The following FOXP1 variants were observed in gnomAD, a reference collection of about 807,000 sequenced individuals.
The protein encoded by FOXP1 is forkhead box protein P1.
FOXP1 carries 15 observed loss-of-function variants against 98.2 expected under a neutral mutation model. The observed-to-expected ratio is 0.15, with a 90% CI of 0.10 to 0.24. FOXP1 has a LOEUF of 0.24. Among genes scored for constraint, FOXP1 ranks in the 10% least tolerant of loss-of-function variants. The pLI is 1.00. For synonymous variants in FOXP1, 371 were observed against 314.5 expected (o/e 1.18, Z -1.90); for missense variants, 633 against 848.5 (o/e 0.75, Z 3.15).
intron 11 of FOXP1, among the ~76,000 whole-genome samples, chr3:71,030,530 A>G (rs1046526367): frequency 6.6e-6 from 1 of 152,156 alleles, no homozygotes; most frequent in Non-Finnish European, 1.5e-5. Context: ...TTTCCCTTCT[A>G]CTGCAGTGTC....
At chr3:71,134,710 GC>G (rs2059734334) in intron 6 of FOXP1, among the ~76,000 whole-genome samples, 1 of 152,100 alleles carries the variant, frequency 6.6e-6, no homozygotes, top group South Asian at 2.1e-4. Flanking sequence ...CTGCTGCTCT[GC>G]CAAGTTATGC....
intron 3 of FOXP1, among the ~76,000 whole-genome samples, chr3:71,416,535 ACT>A (rs1416882486): frequency 1.4e-5 from 2 of 147,414 alleles, no homozygotes; most frequent in Admixed American, 6.9e-5. Context: ...ACAGAACAAA[ACT>A]CTGTCTCAAA....
chr3:71,209,375 C>T (rs1357269142), intron 5 of FOXP1, among the ~76,000 whole-genome samples: 2 of 152,190 alleles, frequency 1.3e-5, no homozygotes, highest in Non-Finnish European at 2.9e-5. Context: ...TTTAATGTTT[C>T]ATCCAGAAGG....
intron 4 of FOXP1, among the ~76,000 whole-genome samples, chr3:71,318,916 G>A (rs544403984): frequency 1.3e-5 from 2 of 152,280 alleles, no homozygotes; most frequent in South Asian, 2.1e-4. Context: ...AATTAACATG[G>A]TTACTGAGCG....
At chr3:71,007,338 C>G (rs562573828) in intron 12 of FOXP1, among the ~76,000 whole-genome samples, 8 of 152,260 alleles carry the variant, frequency 5.3e-5, no homozygotes, top group South Asian at 2.1e-4. Flanking sequence ...GACAGCTATT[C>G]CCTCTACATG....
chr3:71,038,710 C>T (rs1478766516), intron 11 of FOXP1, among the ~76,000 whole-genome samples: 1 of 150,500 alleles, frequency 6.6e-6, no homozygotes, highest in Non-Finnish European at 1.5e-5. Flanking sequence ...GTTGCCCAGG[C>T]TGGAGTGCAA....
At chr3:71,423,270 T>C (rs907503322) in intron 3 of FOXP1, among the ~76,000 whole-genome samples, 18 of 152,206 alleles carry the variant, frequency 1.2e-4, no homozygotes, top group Non-Finnish European at 2.1e-4. Flanking sequence ...ATAAGAATTG[T>C]GGCAACTTGC....
rs184808648 is a variant in FOXP1, at chr3:71,281,859, G to A, written c.-12+17961C>T. Reference sequence around the variant, plus strand: ...CTTATGCCTGTAATCTCAACACTTTGGGAGGCCAAGGCATGTCACTTGAGT... The same window carrying A: ...CTTATGCCTGTAATCTCAACACTTTAGGAGGCCAAGGCATGTCACTTGAGT... On this transcript the variant is annotated intron_variant, in intron 5 of 20. Transcript: ENST00000649528. 6.4e-3 allele frequency among the ~76,000 whole-genome samples: 967 copies of A among 152,126 alleles called. 15 individuals carry two copies. Among genetic ancestry groups the A allele is most frequent in the African/African-American group, 0.022 (932 of 41,478 alleles).
chr3:71,402,830 A>C (rs938815915), intron 3 of FOXP1, among the ~76,000 whole-genome samples: 1 of 152,238 alleles, frequency 6.6e-6, no homozygotes, highest in Admixed American at 6.5e-5. Flanking sequence ...ATCTAAAAGC[A>C]AATAGGACAA....
chr3:71,075,519 T>C (rs1281718966), intron 7 of FOXP1, among the ~76,000 whole-genome samples: 3 of 152,214 alleles, frequency 2.0e-5, no homozygotes, highest in Non-Finnish European at 4.4e-5. Flanking sequence ...AGCCAAACAA[T>C]GGAAGAAGAC....
chr3:71,501,215 T>C (rs1160575710), intron 2 of FOXP1, among the ~76,000 whole-genome samples: 1 of 151,772 alleles, frequency 6.6e-6, no homozygotes, highest in Non-Finnish European at 1.5e-5. Context: ...GCAAAAATGC[T>C]CTTCAACACC....
At chr3:71,309,999 T>C (rs1269224742) in intron 4 of FOXP1, among the ~76,000 whole-genome samples, 1 of 152,232 alleles carries the variant, frequency 6.6e-6, no homozygotes, top group Non-Finnish European at 1.5e-5. Flanking sequence ...CCCCAACTTA[T>C]GATTTGAAAT....
chr3:70,973,327 G>A (rs769676593), intron 17 of FOXP1, among the ~76,000 whole-genome samples: 4 of 139,880 alleles, frequency 2.9e-5, no homozygotes, highest in Admixed American at 8.0e-5. Flanking sequence ...CCTAACTATC[G>A]GCAAGTATTT....
chr3:71,388,687 T>C (rs566760105), intron 3 of FOXP1, among the ~76,000 whole-genome samples: 2 of 152,254 alleles, frequency 1.3e-5, no homozygotes, highest in East Asian at 1.9e-4. Context: ...GAAAAAAACA[T>C]AGTGGCAGTT....
chr3:71,221,808 GAC>G (rs2065409925), intron 5 of FOXP1, among the ~76,000 whole-genome samples: 1 of 152,178 alleles, frequency 6.6e-6, no homozygotes, highest in Non-Finnish European at 1.5e-5. Flanking sequence ...CTGCGTTGCA[GAC>G]TCAATGCTTA....
At chr3:71,010,900 C>T (rs2043514209) in intron 12 of FOXP1, among the ~76,000 whole-genome samples, 3 of 129,872 alleles carry the variant, frequency 2.3e-5, no homozygotes. Flanking sequence ...CAGAAGTTTG[C>T]TAGCTTCTTT....
chr3:71,154,377 A>G (rs1396593197), intron 6 of FOXP1, among the ~76,000 whole-genome samples: 13 of 152,204 alleles, frequency 8.5e-5, no homozygotes, highest in Admixed American at 8.5e-4. Flanking sequence ...TCAGACTGTA[A>G]TGTGCCTGGG....
intron 2 of FOXP1, among the ~76,000 whole-genome samples, chr3:71,579,709 A>C (rs2048010471): frequency 6.8e-6 from 1 of 146,756 alleles, no homozygotes; most frequent in African/African-American, 2.5e-5. Flanking sequence ...GACAAGGCAG[A>C]TCTTCTAAAC....
Position 71,565,453 on chromosome 3 carries a change from G to C in FOXP1, c.-298+16096C>G, listed in dbSNP as rs116058664. 8.2e-3 allele frequency among the ~76,000 whole-genome samples: 1,247 copies of C among 152,216 alleles called. 12 individuals are homozygous for C. Among genetic ancestry groups the C allele is most frequent in the African/African-American group, 0.028 (1,173 of 41,504 alleles). ...ACATATTTGGTGGCAGTGATGGGGG[G>C]GGAGCTAAACAGACTCTTAATAAGA... is the stretch of plus-strand genomic sequence containing the variant. On this transcript the variant is annotated intron_variant, in intron 2 of 20. Transcript: ENST00000649528.
Sources: gnomAD v4.1 joint callset for allele counts (sites outside exome capture counted in the v4.1 genomes callset) on GRCh38, gnomAD v4.1.1 for gene constraint, MANE v1.5 for transcripts, NCBI Gene and HGNC (gene_info 2026-07-23, HGNC 2026-07-21) for gene names.